The following ZNF609 variants were observed in gnomAD, a reference collection of about 807,000 sequenced individuals.
The protein encoded by ZNF609 is zinc finger protein 609.
A neutral mutation model predicts 109.5 loss-of-function variants in ZNF609; 11 were observed. The ratio of observed to expected loss-of-function variants is 0.10; its 90% CI spans 0.06 to 0.17. The LOEUF is 0.17. Ranked by LOEUF, ZNF609 falls within the 10% of genes least tolerant of loss-of-function variation. ZNF609 has a pLI of 1.00. For synonymous variants in ZNF609, 646 were observed against 662.0 expected (o/e 0.98, Z 0.37); for missense variants, 1,559 against 1,772.4 (o/e 0.88, Z 2.16).
intron 1 of ZNF609, among the ~76,000 whole-genome samples, chr15:64,473,621 T>G (rs995816675): frequency 4.0e-5 from 6 of 151,870 alleles, no homozygotes; most frequent in African/African-American, 1.2e-4. Context: ...TTTCTTTTTT[T>G]TTGAGACAGA....
chr15:64,467,416 T>G (rs1893030644), intron 1 of ZNF609, among the ~76,000 whole-genome samples: 1 of 152,242 alleles, frequency 6.6e-6, no homozygotes, highest in African/African-American at 2.4e-5. Context: ...TTTTGTACCA[T>G]CAGTTATCTA....
chr15:64,551,318 G>A (rs1894467414), intron 2 of ZNF609, among the ~76,000 whole-genome samples: 1 of 152,126 alleles, frequency 6.6e-6, no homozygotes, highest in Admixed American at 6.5e-5. Flanking sequence ...ACCTCCAAGG[G>A]TACTTATACC....
chr15:64,665,369 T>C (rs1371795421), intron 3 of ZNF609, among the ~76,000 whole-genome samples: 1 of 152,238 alleles, frequency 6.6e-6, no homozygotes, highest in Middle Eastern at 3.2e-3. Context: ...TTATCCTTTC[T>C]GGTGTATCAT....
At chr15:64,495,824 T>A (rs1338681981) in intron 1 of ZNF609, among the ~76,000 whole-genome samples, 1 of 147,996 alleles carries the variant, frequency 6.8e-6, no homozygotes, top group Non-Finnish European at 1.5e-5. Flanking sequence ...CCTGTTATCT[T>A]TTTTTTTTTT....
intron 2 of ZNF609, among the ~76,000 whole-genome samples, chr15:64,517,859 A>G (rs1893836720): frequency 6.6e-6 from 1 of 151,984 alleles, no homozygotes; most frequent in South Asian, 2.1e-4. Context: ...GGCCCACTAT[A>G]ACCTCTGCCT....
intron 6 of ZNF609, among the ~76,000 whole-genome samples, chr15:64,679,654 C>T (rs1458145455): frequency 6.6e-6 from 1 of 152,218 alleles, no homozygotes; most frequent in Non-Finnish European, 1.5e-5. Flanking sequence ...ATATAAAAAT[C>T]ATAGTTGCAT....
intron 2 of ZNF609, among the ~76,000 whole-genome samples, chr15:64,609,812 G>A (rs1306930049): frequency 6.6e-6 from 1 of 150,956 alleles, no homozygotes; most frequent in Admixed American, 6.6e-5. Flanking sequence ...TGGATCACTT[G>A]AGGTTAGGAG....
intron 2 of ZNF609, chr15:64,592,988 A>G (rs1895327187): frequency 9.6e-6 from 14 of 1,452,610 alleles, no homozygotes; most frequent in Non-Finnish European, 1.1e-5. Flanking sequence ...GATGACAAAG[A>G]AAAGAAGGAA....
intron 2 of ZNF609, among the ~76,000 whole-genome samples, chr15:64,595,165 C>T (rs1410594079): frequency 6.7e-6 from 1 of 149,136 alleles, no homozygotes; most frequent in African/African-American, 2.5e-5. Flanking sequence ...TTTGAGACCA[C>T]CCTGGCCAAC....
chr15:64,595,541 C>T lies in ZNF609; in HGVS notation c.748-27286C>T, dbSNP rs563115936. ...TGTGATATAGACTTTTTCAGTTACA[C>T]GAGAGCCACTAAATTCTCTTTTTAA... is the stretch of plus-strand genomic sequence containing the variant. On this transcript the variant is annotated intron_variant, in intron 2 of 9. Transcript: ENST00000326648. Among the ~76,000 whole-genome samples the T allele has an allele frequency of 5.3e-5, 8 of 152,102 alleles. No individual in the cohort carries two copies. In the South Asian group the frequency reaches 8.3e-4, roughly 16 times the overall value.
At chr15:64,666,477 T>G (rs1230347886) in intron 3 of ZNF609, among the ~76,000 whole-genome samples, 1 of 152,132 alleles carries the variant, frequency 6.6e-6, no homozygotes, top group Non-Finnish European at 1.5e-5. Flanking sequence ...TAGCACATAA[T>G]AGTTTTATTT....
chr15:64,573,343 TTTC>T (rs1894891423), intron 2 of ZNF609, among the ~76,000 whole-genome samples: 4 of 108,640 alleles, frequency 3.7e-5, no homozygotes, highest in Admixed American at 1.2e-4. Context: ...GTGGCCCAAC[TTTC>T]TTTTTTTTTT....
rs796158312 is a variant in ZNF609 at position 64,489,173 on chromosome 15, GT to G, written c.-127-10109del. Among the ~76,000 whole-genome samples the G allele has an allele frequency of 3.3e-4, 48 of 144,434 alleles. 1 individual carries two copies. Among genetic ancestry groups the G allele is most frequent in the Middle Eastern group, 3.6e-3 (1 of 276 alleles). 94.8% of individuals were successfully genotyped at this position (144,434 alleles called of 152,430 possible). ...GTTCTGTGTGCAAGCCTAGTTTTGT[GT>G]TTTTTTTTTTGTTTTTTTGTTTTTC... On this transcript the variant is annotated intron_variant, in intron 1 of 9. Coordinates refer to ENST00000326648, the MANE Select transcript of ZNF609 (RefSeq NM_015042.2).
At chr15:64,555,349 A>G (rs1894561585) in intron 2 of ZNF609, among the ~76,000 whole-genome samples, 1 of 152,148 alleles carries the variant, frequency 6.6e-6, no homozygotes, top group South Asian at 2.1e-4. Flanking sequence ...CCTTGGTGAC[A>G]GAGCAACACC....
At chr15:64,478,326 A>C (rs2140335341) in intron 1 of ZNF609, among the ~76,000 whole-genome samples, 1 of 151,954 alleles carries the variant, frequency 6.6e-6, no homozygotes, top group African/African-American at 2.4e-5. Context: ...TCAGCCTCCC[A>C]GGTAGCTGGG....
intron 3 of ZNF609, among the ~76,000 whole-genome samples, chr15:64,661,487 G>C (rs1896575782): frequency 6.6e-6 from 1 of 152,152 alleles, no homozygotes; most frequent in African/African-American, 2.4e-5. Flanking sequence ...GGGTGTATTT[G>C]TATCCAGTTA....
rs557575981 is a variant in ZNF609 at position 64,498,850 on chromosome 15, G to A, written c.-127-443G>A. Reference sequence around the variant, plus strand: ...TAGACCCTGTTAGAGAGTTTTTAAAGCTTTTGCTAGATCATGTTCTGCGTC... The same window carrying A: ...TAGACCCTGTTAGAGAGTTTTTAAAACTTTTGCTAGATCATGTTCTGCGTC... On this transcript the variant is annotated intron_variant, in intron 1 of 9. Coordinates refer to ENST00000326648, the MANE Select transcript of ZNF609 (RefSeq NM_015042.2). 2.0e-5 allele frequency among the ~76,000 whole-genome samples: 3 copies of A among 152,256 alleles called. No individual in the cohort carries two copies. The South Asian group carries it at 6.2e-4, about 32-fold the overall frequency.
intron 2 of ZNF609, among the ~76,000 whole-genome samples, chr15:64,538,269 A>G (rs2140377885): frequency 6.6e-6 from 1 of 152,364 alleles, no homozygotes; most frequent in South Asian, 2.1e-4. Context: ...ATTGAGGTCT[A>G]ATGCTAGATC....
chr15:64,489,665 G>A (rs1339351971), intron 1 of ZNF609, among the ~76,000 whole-genome samples: 1 of 151,612 alleles, frequency 6.6e-6, no homozygotes, highest in Non-Finnish European at 1.5e-5. Flanking sequence ...AAGTAGCTGG[G>A]ATTACAGGCA....
Sources: gnomAD v4.1 joint callset for allele counts (sites outside exome capture counted in the v4.1 genomes callset) on GRCh38, gnomAD v4.1.1 for gene constraint, MANE v1.5 for transcripts, NCBI Gene and HGNC (gene_info 2026-07-23, HGNC 2026-07-21) for gene names.